The following USP34 variants were observed in gnomAD, a reference collection of about 807,000 sequenced individuals.
USP34 encodes the protein ubiquitin specific peptidase 34.
In USP34, 70 loss-of-function variants were observed where a neutral mutation model predicts 460.3. The ratio of observed to expected loss-of-function variants is 0.15; its 90% confidence interval spans 0.13 to 0.19. The LOEUF is 0.19. Ranked by LOEUF, USP34 falls within the 10% of genes least tolerant of loss-of-function variation. USP34 has a pLI of 1.00. For synonymous variants in USP34, 1,647 were observed against 1,405.3 expected (o/e 1.17, Z -3.85); for missense variants, 3,985 against 4,236.2 (o/e 0.94, Z 1.65).
In USP34 at chr2:61,348,323, G is replaced by A. The variant is rs748338310; in HGVS notation, c.1832C>T (p.Ser611Leu). The change falls in exon 15 of 80, where the codon TCA (serine) becomes TTA (leucine). Residue 611 changes from serine to leucine, a missense_variant. Ser to Leu is a moderately radical substitution (Grantham distance 145). Around this residue, in one of 14 missense-constraint regions of USP34, gnomAD observed 716 missense variants for 626.2 expected, o/e 1.14. Transcript: ENST00000398571. The part of the protein sequence containing the change: ...SAGSPGSEVQ[S>L]EDIADIEALK... ...GGCTTCAATATCTGCAATGTCTTCT[G>A]ACTGTACCTCACTGCCAGGGCTCCC... The A allele has an allele frequency of 6.2e-7, 1 of 1,614,118 alleles. No homozygotes were observed. Among genetic ancestry groups the A allele is most frequent in the South Asian group, 1.1e-5 (1 of 91,076 alleles).
At chr2:61,223,013 T>G (rs760971803) in intron 64 of USP34, 47 bp downstream of exon 64, 1 of 1,521,950 alleles carries the variant, frequency 6.6e-7, no homozygotes, top group East Asian at 2.3e-5. Context: ...CAGGGTATTC[T>G]TTTTTAAAAT....
intron 25 of USP34, among the ~76,000 whole-genome samples, chr2:61,313,035 GCA>G (rs1306815425): frequency 5.3e-5 from 8 of 152,138 alleles, no homozygotes; most frequent in African/African-American, 1.9e-4. Context: ...ATAGCACTAA[GCA>G]CATCAAGAAC....
chr2:61,247,155 A>C (rs550431328), intron 49 of USP34, among the ~76,000 whole-genome samples: 1 of 152,346 alleles, frequency 6.6e-6, no homozygotes, highest in Admixed American at 6.5e-5. Flanking sequence ...ACTGAGGAAA[A>C]AAAATGTAGA....
chr2:61,250,388 T>C (rs188559917), intron 48 of USP34: 2 of 161,106 alleles, frequency 1.2e-5, no homozygotes, highest in Admixed American at 1.3e-4. Flanking sequence ...TTAACGCATA[T>C]ACTTTTTACA....
intron 43 of USP34, 112 bp from the exon 44 acceptor site, chr2:61,259,888 C>T: frequency 1.1e-6 from 1 of 912,852 alleles, no homozygotes; most frequent in Non-Finnish European, 1.6e-6. Flanking sequence ...ATTCTTTTGG[C>T]TATATAAAAG....
intron 1 of USP34, among the ~76,000 whole-genome samples, chr2:61,440,963 T>A (rs1376202416): frequency 1.3e-5 from 2 of 151,394 alleles, no homozygotes; most frequent in Non-Finnish European, 2.9e-5. Flanking sequence ...CCGTCTCTAC[T>A]AAAAATACAA....
chr2:61,378,925 A>AAC (rs1558559680), intron 7 of USP34, among the ~76,000 whole-genome samples: 1 of 149,994 alleles, frequency 6.7e-6, no homozygotes, highest in African/African-American at 2.4e-5. Context: ...AAAAAAAAAA[A>AAC]AAAAAAAAAA....
chr2:61,383,961 A>G (rs1693056326), intron 5 of USP34, among the ~76,000 whole-genome samples: 1 of 152,100 alleles, frequency 6.6e-6, no homozygotes, highest in Non-Finnish European at 1.5e-5. Context: ...AATTCTCTAT[A>G]CCTCTTTGTA....
At chr2:61,297,943 G>C (rs1690085791) in intron 29 of USP34, among the ~76,000 whole-genome samples, 1 of 152,076 alleles carries the variant, frequency 6.6e-6, no homozygotes, top group African/African-American at 2.4e-5. Context: ...AGTAACACTT[G>C]CGCTATACTT....
chr2:61,404,052 T>G (rs1465242080), intron 3 of USP34, among the ~76,000 whole-genome samples: 1 of 113,144 alleles, frequency 8.8e-6, no homozygotes. Flanking sequence ...GGACAGAAAG[T>G]ACAACTTGGA....
intron 10 of USP34, among the ~76,000 whole-genome samples, chr2:61,352,759 G>A (rs1001186165): frequency 5.9e-5 from 9 of 151,836 alleles, no homozygotes; most frequent in South Asian, 2.1e-4. Flanking sequence ...TTAAGAATGC[G>A]TGGTGGTGGC....
chr2:61,349,376 C>G (rs1408351893), intron 12 of USP34, 91 bp from the exon 13 acceptor site: 18 of 1,372,880 alleles, frequency 1.3e-5, no homozygotes, highest in Non-Finnish European at 1.3e-5. Context: ...ACATAATCAA[C>G]AAGATGTAAG....
At chr2:61,355,577 A>C (rs1692077799) in intron 10 of USP34, among the ~76,000 whole-genome samples, 1 of 152,128 alleles carries the variant, frequency 6.6e-6, no homozygotes, top group Admixed American at 6.6e-5. Flanking sequence ...ATACAGAAGA[A>C]AATTAAAAGG....
intron 18 of USP34, among the ~76,000 whole-genome samples, chr2:61,335,672 C>T (rs915608042): frequency 6.6e-5 from 10 of 152,186 alleles, no homozygotes; most frequent in Non-Finnish European, 1.2e-4. Context: ...TCGCTTGAGC[C>T]TGGGAGGCGG....
At chr2:61,395,527 G>A (rs1455738090) in intron 3 of USP34, among the ~76,000 whole-genome samples, 3 of 149,636 alleles carry the variant, frequency 2.0e-5, no homozygotes, top group Admixed American at 6.6e-5. Context: ...GGCCGGACGC[G>A]GTGGCTCACG....
chr2:61,460,875 C>T (rs1695577822), intron 1 of USP34, among the ~76,000 whole-genome samples: 1 of 150,980 alleles, frequency 6.6e-6, no homozygotes, highest in Non-Finnish European at 1.5e-5. Flanking sequence ...CCCAGGTACT[C>T]GAGAGGCTGA....
intron 44 of USP34, among the ~76,000 whole-genome samples, chr2:61,258,625 ATAGGAGGTTGAAGGG>A (rs879752198): frequency 1.7e-4 from 26 of 152,078 alleles, no homozygotes; most frequent in Non-Finnish European, 3.1e-4. Context: ...GAGGGATAAG[ATAGGAGGTTGAAGGG>A]TAGGGGGAAA....
At chr2:61,206,450 C>G (rs1308116919) in intron 71 of USP34, among the ~76,000 whole-genome samples, 1 of 152,130 alleles carries the variant, frequency 6.6e-6, no homozygotes, top group East Asian at 1.9e-4. Context: ...CTAATCTAAG[C>G]CAAAGAAGTT....
At position 61,403,040 on chromosome 2, in the gene USP34, A is replaced by G. The variant is rs1023653062; in HGVS notation, c.552+2668T>C. On this transcript the variant is annotated intron_variant, in intron 3 of 79. Coordinates refer to ENST00000398571, the MANE Select transcript of USP34 (RefSeq NM_014709.4). ...AGAAACCTCGGAAACAACTATTACG[A>G]AAAGAAAATTAAAGAGGCACATATC... 2.0e-5 allele frequency among the ~76,000 whole-genome samples: 3 copies of G among 152,270 alleles called. No homozygotes were observed. In the South Asian group the frequency reaches 6.2e-4, roughly 32 times the overall value.
Sources: gnomAD v4.1 joint callset for allele counts (sites outside exome capture counted in the v4.1 genomes callset) on GRCh38, gnomAD v4.1.1 for gene constraint, gnomAD v4.1.1 regional missense constraint, MANE v1.5 for transcripts, NCBI Gene and HGNC (gene_info 2026-07-23, HGNC 2026-07-21) for gene names.